FRMD4B: variants seen among roughly 807,000 people sequenced by gnomAD.
The protein encoded by FRMD4B is FERM domain containing 4B, also known as FERM domain-containing protein 4B.
FRMD4B carries 74 observed loss-of-function variants against 141.5 expected under a neutral mutation model. The observed-to-expected ratio is 0.52, with a 90% confidence interval of 0.43 to 0.63. FRMD4B has a LOEUF of 0.63. Among genes scored for constraint, FRMD4B ranks in the 30% least tolerant of loss-of-function variants. The pLI is 0.00. For missense variants in FRMD4B, 1,366 were observed against 1,253.4 expected, an observed-to-expected ratio of 1.09 and a Z score of -1.36; for synonymous variants, 506 against 467.9, an observed-to-expected ratio of 1.08 and a Z score of -1.05.
At chr3:69,200,480 C>G in intron 11 of FRMD4B, 1 of 991,280 alleles carries the variant, frequency 1.0e-6, no homozygotes. Context: ...CCGCCCTCCC[C>G]CCTCCCAGAC....
At chr3:69,537,247 C>T (rs545563980) in intron 1 of FRMD4B, among the ~76,000 whole-genome samples, 11 of 152,154 alleles carry the variant, frequency 7.2e-5, no homozygotes, top group Non-Finnish European at 1.6e-4. Context: ...ACATTGTCCT[C>T]ACAGCTGTAC....
At chr3:69,455,739 C>T (rs1236849982) in intron 1 of FRMD4B, among the ~76,000 whole-genome samples, 1 of 152,200 alleles carries the variant, frequency 6.6e-6, no homozygotes, top group Non-Finnish European at 1.5e-5. Context: ...AAAGTTTTAA[C>T]TACGAATTTT....
chr3:69,476,979 G>A (rs1328982044), intron 1 of FRMD4B, among the ~76,000 whole-genome samples: 1 of 152,070 alleles, frequency 6.6e-6, no homozygotes. Flanking sequence ...GTGAATGGGA[G>A]TTCACTCATG....
At chr3:69,403,785 T>C (rs1393306038) in intron 2 of FRMD4B, among the ~76,000 whole-genome samples, 1 of 152,192 alleles carries the variant, frequency 6.6e-6, no homozygotes, top group African/African-American at 2.4e-5. Context: ...ATTCCAAAAG[T>C]GTGCATAAGC....
intron 1 of FRMD4B, chr3:69,535,914 G>C (rs1701077266): frequency 4.9e-6 from 2 of 406,126 alleles, no homozygotes; most frequent in South Asian, 3.8e-5. Flanking sequence ...AGTGGGTTTT[G>C]AACTCTTACT....
chr3:69,353,646 C>T (rs1300071835), intron 1 of FRMD4B: 3 of 983,340 alleles, frequency 3.1e-6, no homozygotes. Flanking sequence ...TGTGTGTGCG[C>T]GCGCGTGTGT....
intron 1 of FRMD4B, among the ~76,000 whole-genome samples, chr3:69,449,130 C>T (rs999122450): frequency 6.6e-6 from 1 of 152,026 alleles, no homozygotes; most frequent in African/African-American, 2.4e-5. Context: ...TTTTTATCAC[C>T]CCAAGGCCTC....
Position 69,181,510 on chromosome 3 carries a change from G to A in FRMD4B, c.2240C>T (p.Thr747Ile). ...STEYYCVTPVTGPYYTTQTLD... is the reference protein window; with the variant it reads ...STEYYCVTPVIGPYYTTQTLD... ...GGTCTGGGTGGTGTAATAGGGGCCGGTAACTGGTGTCACACAGTAATACTC... is the reference window on the plus strand; with the variant it reads ...GGTCTGGGTGGTGTAATAGGGGCCGATAACTGGTGTCACACAGTAATACTC... Residue 747 changes from threonine to isoleucine, a missense_variant, in exon 21 of 23, where the codon ACC (threonine) becomes ATC (isoleucine). By Grantham distance (89) the Thr-to-Ile change is moderately conservative (BLOSUM62 -1). Coordinates refer to ENST00000398540, the MANE Select transcript of FRMD4B (RefSeq NM_015123.3). 1.2e-6 allele frequency: 2 copies of A among 1,613,740 alleles called. No homozygotes were observed. Among genetic ancestry groups the A allele is most frequent in the Non-Finnish European group, 1.7e-6 (2 of 1,179,702 alleles).
chr3:69,275,347 A>G (rs899153233), intron 5 of FRMD4B, among the ~76,000 whole-genome samples: 2 of 152,106 alleles, frequency 1.3e-5, no homozygotes, highest in African/African-American at 4.8e-5. Flanking sequence ...AATTTTCAAC[A>G]TTCACTGAGC....
chr3:69,461,286 G>C (rs965057371), intron 1 of FRMD4B, among the ~76,000 whole-genome samples: 10 of 152,100 alleles, frequency 6.6e-5, no homozygotes, highest in Admixed American at 3.3e-4. Flanking sequence ...GTGAGGCCTG[G>C]TGGCTCAGGC....
chr3:69,516,737 A>C (rs780977981), intron 1 of FRMD4B, among the ~76,000 whole-genome samples: 10 of 152,232 alleles, frequency 6.6e-5, no homozygotes, highest in Non-Finnish European at 1.0e-4. Context: ...TCAGTTTTCT[A>C]TGAGTTAACA....
intron 1 of FRMD4B, among the ~76,000 whole-genome samples, chr3:69,470,000 G>C (rs966649044): frequency 3.3e-5 from 5 of 152,140 alleles, no homozygotes; most frequent in African/African-American, 1.2e-4. Context: ...AGAAAATCTA[G>C]TTCAGAGGTT....
At chr3:69,429,479 T>C (rs1269797184) in intron 2 of FRMD4B, among the ~76,000 whole-genome samples, 2 of 152,308 alleles carry the variant, frequency 1.3e-5, no homozygotes, top group African/African-American at 4.8e-5. Flanking sequence ...TTATTTAAAA[T>C]AGATATCCCG....
intron 1 of FRMD4B, among the ~76,000 whole-genome samples, chr3:69,360,957 T>G (rs1053705375): frequency 1.3e-5 from 2 of 152,204 alleles, no homozygotes; most frequent in African/African-American, 4.8e-5. Context: ...ATGAGAGATT[T>G]TTTTCCTTAT....
In FRMD4B at chr3:69,539,020, C is replaced by T. The variant is rs151207893; in HGVS notation, c.-129+3186G>A. Among the ~76,000 whole-genome samples the T allele has an allele frequency of 5.9e-5, 9 of 152,212 alleles. No individual in the cohort carries two copies. The East Asian group carries it at 1.7e-3, about 29-fold the overall frequency. On this transcript the variant is annotated intron_variant, in intron 1 of 5. Coordinates refer to the FRMD4B transcript ENST00000459638. The stretch of plus-strand genomic sequence containing the variant: ...TCATTTCAGTGAGCCTCAGCACTCC[C>T]GAACATATAAAAATAGTGCATTCAT...
chr3:69,466,115 T>C (rs1705782851), intron 1 of FRMD4B, among the ~76,000 whole-genome samples: 1 of 152,210 alleles, frequency 6.6e-6, no homozygotes, highest in South Asian at 2.1e-4. Flanking sequence ...TCACTGTGGT[T>C]TTGATTTGCA....
intron 7 of FRMD4B, among the ~76,000 whole-genome samples, chr3:69,236,575 G>A (rs989839440): frequency 6.6e-6 from 1 of 152,126 alleles, no homozygotes; most frequent in Non-Finnish European, 1.5e-5. Context: ...TGCAAAACCA[G>A]ACTCCAGTCA....
chr3:69,407,411 C>G (rs948539855), intron 2 of FRMD4B, among the ~76,000 whole-genome samples: 10 of 152,174 alleles, frequency 6.6e-5, no homozygotes, highest in Admixed American at 2.0e-4. Context: ...AGTGTAATCA[C>G]TCTACTATTT....
chr3:69,243,089 G>A (rs1249331098), intron 7 of FRMD4B, among the ~76,000 whole-genome samples: 1 of 151,990 alleles, frequency 6.6e-6, no homozygotes, highest in Non-Finnish European at 1.5e-5. Flanking sequence ...CAGCTTTCAG[G>A]AATTCTCTGT....
Sources: gnomAD v4.1 joint callset for allele counts (sites outside exome capture counted in the v4.1 genomes callset) on GRCh38, gnomAD v4.1.1 for gene constraint, MANE v1.5 for transcripts, NCBI Gene and HGNC (gene_info 2026-07-23, HGNC 2026-07-21) for gene names.